Variants in PRKAR1B observed in about 807,000 individuals in gnomAD.
PRKAR1B encodes protein kinase cAMP-dependent type I regulatory subunit beta.
PRKAR1B carries 22 observed loss-of-function variants against 46.5 expected under a neutral mutation model. The observed-to-expected ratio is 0.47, with a 90% CI of 0.34 to 0.68. PRKAR1B has a LOEUF of 0.68. Among genes scored for constraint, PRKAR1B ranks in the 30% least tolerant of loss-of-function variants. PRKAR1B has a pLI of 0.01. For missense variants in PRKAR1B, 445 were observed against 535.6 expected (o/e 0.83, Z 1.67); for synonymous variants, 259 against 217.7 (o/e 1.19, Z -1.67).
At chr7:652,584 G>C (rs1784970125) in intron 4 of PRKAR1B, among the ~76,000 whole-genome samples, 1 of 152,254 alleles carries the variant, frequency 6.6e-6, no homozygotes. Context: ...AACCCCTCTT[G>C]GAAGACAGTT....
At chr7:552,556 C>G (rs562880641) in intron 9 of PRKAR1B, among the ~76,000 whole-genome samples, 1 of 152,220 alleles carries the variant, frequency 6.6e-6, no homozygotes, top group African/African-American at 2.4e-5. Flanking sequence ...CTGCTTCTCC[C>G]GTTCCCGGCA....
chr7:607,464 AAC>A lies in PRKAR1B; in HGVS notation c.441-14_441-13del, dbSNP rs1416828316. On this transcript the variant is annotated splice_polypyrimidine_tract_variant and intron_variant, in intron 4 of 10. Transcript: ENST00000537384. ...CATCGAATATGTCACTGAAAAGCAA[AAC>A]ACGCCAAATTAGGGCTGCAGGCAGC... 1 of 1,612,796 alleles carries A rather than the reference AAC, an allele frequency of 6.2e-7. No individual in the cohort carries two copies. The highest frequency in any genetic ancestry group is 1.1e-5 in the South Asian group (1 of 91,046).
In PRKAR1B at chr7:627,536, C is replaced by T. The variant is rs562544194; in HGVS notation, c.441-20084G>A. Among the ~76,000 whole-genome samples, 20 of 152,290 alleles carry T rather than the reference C, an allele frequency of 1.3e-4. No homozygotes were observed. The South Asian group carries it at 3.9e-3, about 30-fold the overall frequency. On this transcript the variant is annotated intron_variant, in intron 4 of 10. Transcript: ENST00000537384. The stretch of plus-strand genomic sequence containing the variant: ...TCGGACAGCCACGGCCAACGCCACC[C>T]GGCACTCTACACGGCTGACCCCCCC...
chr7:551,514 G>A (rs1784195009), intron 9 of PRKAR1B, 44 bp from the exon 10 acceptor site: 1 of 1,537,814 alleles, frequency 6.5e-7, no homozygotes, highest in East Asian at 2.4e-5. Context: ...CCAGGCGGGT[G>A]CAGGGTGGGA....
chr7:588,916 TGATGGTGGGGATAGA>T (rs1300935534), intron 7 of PRKAR1B, among the ~76,000 whole-genome samples: 3 of 20,094 alleles, frequency 1.5e-4, no homozygotes, highest in Non-Finnish European at 9.1e-5. Flanking sequence ...GTGGTGATGG[TGATGGTGGGGATAGA>T]GATGGTGGTG....
rs185833679 is a variant in PRKAR1B at position 659,418 on chromosome 7, C to T, written c.440+17811G>A. On this transcript the variant is annotated intron_variant, in intron 4 of 10. Transcript: ENST00000537384. ...GCACTTCCAACTGCCACATATGATT[C>T]AGCCCACAGGCACCGAAGTGACCAC... Among the ~76,000 whole-genome samples, 148 of 152,286 alleles carry T rather than the reference C, an allele frequency of 9.7e-4. 1 individual carries two copies. The highest frequency in any genetic ancestry group is 8.7e-4 in the Non-Finnish European group (59 of 68,024).
chr7:554,154 G>A (rs181832073), intron 9 of PRKAR1B, among the ~76,000 whole-genome samples: 2 of 152,354 alleles, frequency 1.3e-5, no homozygotes, highest in African/African-American at 4.8e-5. Context: ...GGCGGAGGGT[G>A]AAACTCCTGG....
chr7:720,846 T>C (rs190031030), intron 1 of PRKAR1B, among the ~76,000 whole-genome samples: 16 of 152,366 alleles, frequency 1.1e-4, no homozygotes, highest in Admixed American at 9.8e-4. Flanking sequence ...ATGTTTGAAG[T>C]GAGCTTCAGC....
At chr7:613,587 C>T (rs1260203945) in intron 4 of PRKAR1B, among the ~76,000 whole-genome samples, 1 of 152,172 alleles carries the variant, frequency 6.6e-6, no homozygotes, top group Non-Finnish European at 1.5e-5. Context: ...ATCACACACG[C>T]GGGGTTGAAC....
In PRKAR1B at chr7:602,086, G is replaced by A. The variant is rs562348393; in HGVS notation, c.549+4107C>T. On this transcript the variant is annotated intron_variant, in intron 6 of 10. Transcript: ENST00000537384. This position sits in a 1 kb window ranked among gnomAD's most constrained non-coding sequence, Gnocchi z 6.4. ...GAAGCCAGGCAGGACGCCACGACGC[G>A]TCGTGTCTGAGAGAAAACCGTCTCC... Among the ~76,000 whole-genome samples, 32 of 152,300 alleles carry A rather than the reference G, an allele frequency of 2.1e-4. No individual in the cohort carries two copies. Among genetic ancestry groups the A allele is most frequent in the Admixed American group, 5.2e-4 (8 of 15,308 alleles).
intron 9 of PRKAR1B, among the ~76,000 whole-genome samples, chr7:578,103 C>G (rs970965680): frequency 5.3e-5 from 8 of 152,200 alleles, no homozygotes; most frequent in Admixed American, 6.5e-5. Flanking sequence ...GCGTGGCTTA[C>G]GGAGAGTGGC....
rs112190315 is a variant in PRKAR1B at position 556,725 on chromosome 7, C to T, written c.892-5255G>A. On this transcript the variant is annotated intron_variant, in intron 9 of 10. Transcript: ENST00000537384. ...TCGGGAACAGTTCCCCACGCACCTC[C>T]GGCACGTCGACCCTCCACCTTTAAG... Among the ~76,000 whole-genome samples the T allele has an allele frequency of 8.5e-5, 13 of 152,266 alleles. No homozygotes were observed. The East Asian group carries it at 1.4e-3, about 16-fold the overall frequency.
intron 4 of PRKAR1B, among the ~76,000 whole-genome samples, chr7:627,671 C>T (rs1259368088): frequency 2.6e-5 from 4 of 152,184 alleles, no homozygotes; most frequent in Non-Finnish European, 2.9e-5. Context: ...GGCACCAACA[C>T]CCCCCAGGGT....
chr7:646,044 C>G (rs1034937699), intron 4 of PRKAR1B, among the ~76,000 whole-genome samples: 2 of 152,082 alleles, frequency 1.3e-5, no homozygotes, highest in African/African-American at 2.4e-5. Flanking sequence ...ACCCCAACTG[C>G]ACGCTATTTT....
intron 4 of PRKAR1B, among the ~76,000 whole-genome samples, chr7:622,778 G>A (rs561934301): frequency 7.2e-5 from 11 of 152,262 alleles, no homozygotes; most frequent in South Asian, 2.1e-4. Context: ...AAAGGACCCC[G>A]CTGAAGGCAG....
At chr7:712,165 C>T (rs1780676096) in intron 1 of PRKAR1B, among the ~76,000 whole-genome samples, 2 of 150,880 alleles carry the variant, frequency 1.3e-5, no homozygotes, top group Middle Eastern at 3.4e-3. Flanking sequence ...CCCAGCCCCC[C>T]GCCACGCCGC....
chr7:577,092 C>G (rs996894562), intron 9 of PRKAR1B, among the ~76,000 whole-genome samples: 5 of 151,876 alleles, frequency 3.3e-5, no homozygotes, highest in Non-Finnish European at 7.4e-5. Context: ...CCTCATCCAA[C>G]TCCATCAACG....
At chr7:601,902 AG>A (rs1781630549) in intron 6 of PRKAR1B, among the ~76,000 whole-genome samples, 1 of 87,482 alleles carries the variant, frequency 1.1e-5, no homozygotes, top group African/African-American at 4.3e-5. Context: ...GGGGAGGGGT[AG>A]GGACGGGCAG....
At chr7:651,430 C>T (rs1784896811) in intron 4 of PRKAR1B, among the ~76,000 whole-genome samples, 1 of 152,248 alleles carries the variant, frequency 6.6e-6, no homozygotes. Context: ...CAATCTCTGA[C>T]TCCCAGGGCC....
Sources: allele counts gnomAD v4.1 joint callset (sites outside exome capture counted in the v4.1 genomes callset), GRCh38; gene constraint gnomAD v4.1.1; non-coding constraint Gnocchi (gnomAD v3.1); transcripts MANE v1.5; gene names NCBI Gene and HGNC (gene_info 2026-07-23, HGNC 2026-07-21).